XKR6: variants seen among roughly 807,000 people sequenced by gnomAD.
XKR6 encodes the protein XK related 6.
Under a neutral mutation model 56.7 loss-of-function variants are expected in XKR6, and 22 were observed. The observed-to-expected ratio is 0.39, with a 90% CI of 0.28 to 0.55. XKR6 has a LOEUF of 0.55. XKR6 is among the 20% of genes least tolerant of loss of function. The pLI is 0.66. For synonymous variants in XKR6, 524 were observed against 387.8 expected, an observed-to-expected ratio of 1.35 and a Z score of -4.13; for missense variants, 852 against 889.0, an observed-to-expected ratio of 0.96 and a Z score of 0.53.
intron 1 of XKR6, among the ~76,000 whole-genome samples, chr8:10,955,743 T>C (rs1801867957): frequency 6.6e-6 from 1 of 152,138 alleles, no homozygotes; most frequent in Admixed American, 6.5e-5. Flanking sequence ...AGCCTGAGTC[T>C]CCCCTTTCTA....
intron 1 of XKR6, among the ~76,000 whole-genome samples, chr8:10,944,845 C>T (rs984136534): frequency 6.6e-5 from 10 of 152,178 alleles, no homozygotes; most frequent in Non-Finnish European, 1.5e-4. Context: ...CCCTTCTTTC[C>T]AGCAACTCTG....
intron 1 of XKR6, among the ~76,000 whole-genome samples, chr8:11,038,024 TAAAA>T (rs34286744): frequency 1.5e-5 from 2 of 132,458 alleles, no homozygotes. Flanking sequence ...CAGATATATC[TAAAA>T]AAAAAAAAAA....
At chr8:10,948,016 G>A (rs577815409) in intron 1 of XKR6, among the ~76,000 whole-genome samples, 2 of 152,280 alleles carry the variant, frequency 1.3e-5, no homozygotes, top group Middle Eastern at 3.4e-3. Flanking sequence ...AGGGTGCAGG[G>A]TGGGTTAGGG....
chr8:11,117,127 A>T (rs1484707859), intron 1 of XKR6, among the ~76,000 whole-genome samples: 1 of 152,218 alleles, frequency 6.6e-6, no homozygotes, highest in African/African-American at 2.4e-5. Flanking sequence ...AGAACATTCA[A>T]CGTCAAAGAT....
intron 1 of XKR6, among the ~76,000 whole-genome samples, chr8:11,086,251 T>A (rs1172182679): frequency 6.6e-6 from 1 of 152,070 alleles, no homozygotes; most frequent in African/African-American, 2.4e-5. Flanking sequence ...GTAAATTAGT[T>A]ATCTGAGAAA....
chr8:11,104,011 T>G (rs1333429066), intron 1 of XKR6, among the ~76,000 whole-genome samples: 1 of 152,218 alleles, frequency 6.6e-6, no homozygotes, highest in African/African-American at 2.4e-5. Flanking sequence ...ATATCCCTCG[T>G]ACCAATTTCA....
chr8:10,976,957 A>G (rs911813863), intron 1 of XKR6, among the ~76,000 whole-genome samples: 1 of 152,126 alleles, frequency 6.6e-6, no homozygotes, highest in African/African-American at 2.4e-5. Context: ...CGTGCATGCC[A>G]TGGATGCAGG....
intron 1 of XKR6, among the ~76,000 whole-genome samples, chr8:11,110,943 T>G (rs1932922124): frequency 6.6e-6 from 1 of 151,358 alleles, no homozygotes; most frequent in Non-Finnish European, 1.5e-5. Context: ...TTCACACCAT[T>G]CTCCTGCCAC....
chr8:11,068,922 C>T (rs889950511), intron 1 of XKR6, among the ~76,000 whole-genome samples: 1 of 152,242 alleles, frequency 6.6e-6, no homozygotes, highest in African/African-American at 2.4e-5. Flanking sequence ...ACTCCTGCAC[C>T]TACATTCTCC....
At chr8:11,172,623 G>A (rs961744058) in intron 1 of XKR6, among the ~76,000 whole-genome samples, 3 of 152,286 alleles carry the variant, frequency 2.0e-5, no homozygotes, top group Non-Finnish European at 4.4e-5. Context: ...AAATACAACA[G>A]GTTTGGCTTA....
At chr8:11,174,122 C>T (rs79031603) in intron 1 of XKR6, among the ~76,000 whole-genome samples, 8,886 of 152,278 alleles carry the variant, frequency 0.058, 291 homozygotes, top group South Asian at 0.11. Flanking sequence ...TTCTATTAAT[C>T]CATGCAACAC....
At chr8:11,035,831 T>A (rs537894541) in intron 1 of XKR6, among the ~76,000 whole-genome samples, 1 of 152,144 alleles carries the variant, frequency 6.6e-6, no homozygotes, top group South Asian at 2.1e-4. Flanking sequence ...ACAGGTCTGA[T>A]TTTTTTCCCT....
At chr8:11,196,481 C>A (rs977695887) in intron 1 of XKR6, among the ~76,000 whole-genome samples, 6 of 152,044 alleles carry the variant, frequency 3.9e-5, no homozygotes, top group African/African-American at 1.4e-4. Context: ...CATGGAGTAC[C>A]ATTAGTGCAT....
Position 11,201,247 on chromosome 8 carries a change from GTCC to G in XKR6, c.90_92del (p.Glu30del), listed in dbSNP as rs767821426. On this transcript the variant is annotated inframe_deletion, in exon 1 of 3. Transcript: ENST00000416569. ...CGCAGCCGCCTCCCCCGGGCTCCCC[GTCC>G]TCCTCGCCGCCGCTGCCCACCGCCT... is the stretch of plus-strand genomic sequence containing the variant. The G allele has an allele frequency of 1.9e-6, 3 of 1,562,372 alleles. No homozygotes were observed. The highest frequency in any genetic ancestry group is 2.3e-5 in the South Asian group (2 of 86,064).
intron 1 of XKR6, among the ~76,000 whole-genome samples, chr8:11,027,253 C>A (rs143428095): frequency 1.3e-5 from 2 of 152,268 alleles, no homozygotes; most frequent in African/African-American, 4.8e-5. Flanking sequence ...TCTTATGGGA[C>A]CATCCTCATA....
At chr8:11,143,412 C>T (rs1800805394) in intron 1 of XKR6, among the ~76,000 whole-genome samples, 1 of 152,178 alleles carries the variant, frequency 6.6e-6, no homozygotes. Flanking sequence ...CCTAATCCGA[C>T]AATGTAACTG....
At chr8:11,172,255 A>G (rs1802416562) in intron 1 of XKR6, among the ~76,000 whole-genome samples, 1 of 151,984 alleles carries the variant, frequency 6.6e-6, no homozygotes. Flanking sequence ...CTGTAATCCC[A>G]GCTACTCGGG....
At chr8:11,106,984 G>C (rs1798703191) in intron 1 of XKR6, among the ~76,000 whole-genome samples, 1 of 151,972 alleles carries the variant, frequency 6.6e-6, no homozygotes. Context: ...AGAAATCAAG[G>C]GCAGCAAGTG....
intron 1 of XKR6, among the ~76,000 whole-genome samples, chr8:10,949,909 G>A (rs565538045): frequency 6.6e-6 from 1 of 152,104 alleles, no homozygotes; most frequent in Non-Finnish European, 1.5e-5. Flanking sequence ...AGCCCGGCCT[G>A]TCTTGACTCA....
Sources: allele counts gnomAD v4.1 joint callset (sites outside exome capture counted in the v4.1 genomes callset), GRCh38; gene constraint gnomAD v4.1.1; transcripts MANE v1.5; gene names NCBI Gene and HGNC (gene_info 2026-07-23, HGNC 2026-07-21).